Variants in MTHFD1 observed in about 807,000 individuals in gnomAD.
MTHFD1 encodes the protein methylenetetrahydrofolate dehydrogenase, cyclohydrolase and formyltetrahydrofolate synthetase 1, also known as C-1-tetrahydrofolate synthase, cytoplasmic.
Under a neutral mutation model 110.3 loss-of-function variants are expected in MTHFD1, and 44 were observed. That is an observed-to-expected ratio of 0.40 (90% CI 0.31 to 0.51). The LOEUF is 0.51. MTHFD1 is among the 20% of genes least tolerant of loss of function. The pLI, the probability that MTHFD1 is intolerant of heterozygous loss-of-function variation, is 0.60. For missense variants in MTHFD1, 909 were observed against 1,173.1 expected (o/e 0.77, Z 3.29); for synonymous variants, 402 against 428.8 (o/e 0.94, Z 0.77).
intron 26 of MTHFD1, among the ~76,000 whole-genome samples, chr14:64,456,577 T>C (rs1304841606): frequency 1.3e-5 from 2 of 152,204 alleles, no homozygotes; most frequent in Non-Finnish European, 2.9e-5. Context: ...GGTTTTCTGC[T>C]GACATGCACA....
At chr14:64,424,721 C>T in intron 8 of MTHFD1, 83 bp from the exon 9 acceptor site, 1 of 1,512,520 alleles carries the variant, frequency 6.6e-7, no homozygotes, top group South Asian at 1.2e-5. Context: ...ACACACCCTA[C>T]AATTCTGCTG....
intron 25 of MTHFD1, among the ~76,000 whole-genome samples, chr14:64,454,513 G>C (rs534173068): frequency 1.9e-3 from 292 of 149,810 alleles, no homozygotes; most frequent in African/African-American, 6.8e-3. Context: ...GTGGACTACA[G>C]TTGTGAGTAC....
rs559011852 is a variant in MTHFD1, at chr14:64,411,779, T to C, written c.186+630T>C. On this transcript the variant is annotated intron_variant, in intron 3 of 27. Transcript: ENST00000652337. ...AGCTGGGTGTGGTGGCGCATGCCTG[T>C]AATCCCAGCTACTCGGGAGGCTGAG... is the stretch of plus-strand genomic sequence containing the variant. 1.9e-3 allele frequency among the ~76,000 whole-genome samples: 282 copies of C among 152,230 alleles called. 2 individuals are homozygous for C. The highest frequency in any genetic ancestry group is 3.3e-3 in the Non-Finnish European group (222 of 67,996).
At position 64,417,897 on chromosome 14, in the gene MTHFD1, T is replaced by C. The variant is rs781509682; in HGVS notation, c.488T>C (p.Ile163Thr). The C allele has an allele frequency of 2.5e-6, 4 of 1,612,730 alleles. No homozygotes were observed. Among genetic ancestry groups the C allele is most frequent in the Middle Eastern group, 2.0e-4 (1 of 4,948 alleles). ...CTGGCTTTTCTTTCAGGGGTGCCGA[T>C]TGCCGGAAGGCATGCTGTGGTGGTT... ...LELIKETGVP[I>T]AGRHAVVVGR... Residue 163 changes from isoleucine to threonine, a missense_variant, in exon 7 of 28, where the codon ATT becomes ACT. Ile to Thr is a moderately conservative substitution (Grantham distance 89). This residue lies in a region of MTHFD1 where 424 missense variants were observed against 510.4 expected (regional missense o/e 0.83). Transcript: ENST00000652337. The surrounding 1 kb of genome is among the most constrained non-coding windows in gnomAD (Gnocchi z 4.4).
chr14:64,395,383 A>G (rs1275717186), intron 1 of MTHFD1, among the ~76,000 whole-genome samples: 1 of 152,052 alleles, frequency 6.6e-6, no homozygotes, highest in African/African-American at 2.4e-5. Context: ...CATGCCATCA[A>G]TTTGTTGGAT....
intron 9 of MTHFD1, 133 bp from the exon 10 acceptor site, chr14:64,425,597 G>T: frequency 1.3e-6 from 1 of 798,000 alleles, no homozygotes; most frequent in Admixed American, 1.9e-5. Flanking sequence ...TCTTAGCTAG[G>T]ATTGAAGCAT....
Position 64,435,644 on chromosome 14 carries a change from G to A in MTHFD1, c.1570G>A (p.Asp524Asn). The A allele has an allele frequency of 6.2e-7, 1 of 1,612,160 alleles. No homozygotes were observed. The highest frequency in any genetic ancestry group is 8.5e-7 in the Non-Finnish European group (1 of 1,178,282). ...AAACAGATTTGCAAGATTGGACATT[G>A]ATCCAGAAACCATAACTTGGCAAAG... ...EINRFARLDI[D>N]PETITWQRVL... Residue 524 changes from aspartate to asparagine, a missense_variant, in exon 16 of 28, where the codon GAT (aspartate) becomes AAT (asparagine). Physicochemically the swap from Asp to Asn is conservative, Grantham distance 23. Around this residue, in one of 3 missense-constraint regions of MTHFD1, gnomAD observed 482 missense variants for 646.0 expected, o/e 0.75. Transcript: ENST00000652337.
chr14:64,458,726 T>C (rs1401187964), intron 27 of MTHFD1: 1 of 245,442 alleles, frequency 4.1e-6, no homozygotes, highest in African/African-American at 2.3e-5. Context: ...AGCAAATGTC[T>C]TAGGAAGTAT....
chr14:64,440,573 A>C, intron 18 of MTHFD1: 1 of 407,124 alleles, frequency 2.5e-6, no homozygotes, highest in South Asian at 2.1e-5. Context: ...CAAGAGTACC[A>C]TTGCTTTATC....
intron 27 of MTHFD1, among the ~76,000 whole-genome samples, chr14:64,459,038 C>T (rs1233612574): frequency 2.0e-5 from 3 of 152,118 alleles, no homozygotes; most frequent in Non-Finnish European, 4.4e-5. Flanking sequence ...ACTTAACGCC[C>T]GTCTTACTGG....
intron 27 of MTHFD1, among the ~76,000 whole-genome samples, chr14:64,459,309 C>T (rs1325532207): frequency 6.6e-6 from 1 of 152,178 alleles, no homozygotes; most frequent in Non-Finnish European, 1.5e-5. Context: ...GATAACCATG[C>T]AAATGACCTG....
intron 13 of MTHFD1, 130 bp downstream of exon 13, chr14:64,430,360 G>GC (rs2078148534): frequency 2.4e-6 from 2 of 836,674 alleles, no homozygotes; most frequent in African/African-American, 3.4e-5. Flanking sequence ...GTGCAATGGC[G>GC]CAATCTCGGC....
chr14:64,422,388 G>A (rs1355218417), intron 8 of MTHFD1, among the ~76,000 whole-genome samples: 1 of 151,980 alleles, frequency 6.6e-6, no homozygotes, highest in African/African-American at 2.4e-5. Context: ...GTCCACTCAG[G>A]GATAACATTG....
rs1425603360 is a variant in MTHFD1 at position 64,453,766 on chromosome 14, G to A, written c.2470G>A (p.Asp824Asn). Residue 824 changes from aspartate (D) to asparagine (N), a missense_variant, in exon 25 of 28, where the codon GAT (aspartate) becomes AAT (asparagine). By Grantham distance (23) the Asp-to-Asn change is conservative (BLOSUM62 1). Around this residue, in one of 3 missense-constraint regions of MTHFD1, gnomAD observed 482 missense variants for 646.0 expected, o/e 0.75. Coordinates refer to ENST00000652337, the MANE Select transcript of MTHFD1 (RefSeq NM_005956.4). Reference protein sequence around the residue: ...LLYDLKLPVEDKIRIIAQKIY... With the variant: ...LLYDLKLPVENKIRIIAQKIY... Reference sequence around the variant, plus strand: ...TCTTGTGCATTAGCTCCCAGTTGAGGATAAAATCAGGATCATTGCACAGAA... The same window carrying A: ...TCTTGTGCATTAGCTCCCAGTTGAGAATAAAATCAGGATCATTGCACAGAA... 3.4e-5 allele frequency: 54 copies of A among 1,606,714 alleles called. No homozygotes were observed. Among genetic ancestry groups the A allele is most frequent in the Non-Finnish European group, 4.6e-5 (54 of 1,173,496 alleles).
intron 24 of MTHFD1, among the ~76,000 whole-genome samples, chr14:64,453,190 GTGTATA>G (rs937503504): frequency 2.6e-5 from 4 of 152,020 alleles, no homozygotes; most frequent in Non-Finnish European, 4.4e-5. Flanking sequence ...ATATGTATGT[GTGTATA>G]TGTATATCTG....
At chr14:64,443,982 G>A (rs898431620) in intron 21 of MTHFD1, among the ~76,000 whole-genome samples, 1 of 152,116 alleles carries the variant, frequency 6.6e-6, no homozygotes, top group Non-Finnish European at 1.5e-5. Context: ...TCACTGCAAT[G>A]GAAGAGGGCA....
chr14:64,454,886 G>T lies in MTHFD1; in HGVS notation c.2718+11G>T. ...CCCTTAGTAGGAACGGTAAGTGCATGCTGCAAGGGAGTAGTGGGCGCATCT... is the reference window on the plus strand; with the variant it reads ...CCCTTAGTAGGAACGGTAAGTGCATTCTGCAAGGGAGTAGTGGGCGCATCT... On this transcript the variant is annotated intron_variant, in intron 26 of 27. Coordinates refer to ENST00000652337, the MANE Select transcript of MTHFD1 (RefSeq NM_005956.4). 6.2e-7 allele frequency: 1 copy of T among 1,613,996 alleles called. No individual in the cohort carries two copies. Among genetic ancestry groups the T allele is most frequent in the Non-Finnish European group, 8.5e-7 (1 of 1,179,838 alleles).
intron 11 of MTHFD1, among the ~76,000 whole-genome samples, chr14:64,426,847 A>G (rs1247594686): frequency 6.6e-6 from 1 of 152,212 alleles, no homozygotes; most frequent in Non-Finnish European, 1.5e-5. Context: ...GGCTGAGGTT[A>G]TATTAAAAAG....
intron 18 of MTHFD1, 160 bp from the exon 19 acceptor site, chr14:64,441,225 T>C: frequency 1.4e-6 from 1 of 734,356 alleles, no homozygotes; most frequent in Non-Finnish European, 2.5e-6. Flanking sequence ...GGCAACTTCA[T>C]AGCATATCCA....
Sources: allele counts gnomAD v4.1 joint callset (sites outside exome capture counted in the v4.1 genomes callset), GRCh38; gene constraint gnomAD v4.1.1; regional missense constraint gnomAD v4.1.1; non-coding constraint Gnocchi (gnomAD v3.1); transcripts MANE v1.5; gene names NCBI Gene and HGNC (gene_info 2026-07-23, HGNC 2026-07-21).